The following CFAP299 variants were observed in gnomAD, a reference collection of about 807,000 sequenced individuals.
The protein encoded by CFAP299 is cilia and flagella associated protein 299.
A neutral mutation model predicts 27.0 loss-of-function variants in CFAP299; 21 were observed. The ratio of observed to expected loss-of-function variants is 0.78; its 90% CI spans 0.55 to 1.12. The LOEUF is 1.12. CFAP299 is among the 50% of genes most tolerant of loss of function. CFAP299 has a pLI of 0.00. For synonymous variants in CFAP299, 104 were observed against 98.1 expected (o/e 1.06, Z -0.36); for missense variants, 310 against 276.6 (o/e 1.12, Z -0.86).
At chr4:80,549,551 C>T (rs894537137) in intron 2 of CFAP299, among the ~76,000 whole-genome samples, 2 of 152,080 alleles carry the variant, frequency 1.3e-5, no homozygotes, top group Non-Finnish European at 2.9e-5. Flanking sequence ...AATTAAAGAG[C>T]GTCTTCACTA....
intron 3 of CFAP299, among the ~76,000 whole-genome samples, chr4:80,768,421 A>G (rs1340392238): frequency 3.3e-5 from 5 of 152,222 alleles, no homozygotes; most frequent in Non-Finnish European, 5.9e-5. Context: ...CACATAACAT[A>G]TTTTTAGATA....
At chr4:80,894,570 C>G (rs1035789298) in intron 4 of CFAP299, among the ~76,000 whole-genome samples, 4 of 151,876 alleles carry the variant, frequency 2.6e-5, no homozygotes, top group Non-Finnish European at 5.9e-5. Context: ...CAGCTTTACT[C>G]TTTTGTGCAA....
chr4:80,418,796 A>G (rs142965029), intron 2 of CFAP299, among the ~76,000 whole-genome samples: 2 of 152,308 alleles, frequency 1.3e-5, no homozygotes, highest in East Asian at 3.9e-4. Context: ...CTCTCCGTTT[A>G]CATCAGTGTT....
chr4:80,880,284 A>C (rs760188065), intron 4 of CFAP299, among the ~76,000 whole-genome samples: 20 of 152,182 alleles, frequency 1.3e-4, no homozygotes, highest in Non-Finnish European at 2.6e-4. Flanking sequence ...GAGTTCATTT[A>C]AATAAGAATT....
At chr4:80,700,742 C>T (rs774639994) in intron 3 of CFAP299, among the ~76,000 whole-genome samples, 18 of 151,654 alleles carry the variant, frequency 1.2e-4, no homozygotes, top group Non-Finnish European at 2.1e-4. Context: ...ATAGGTATGA[C>T]AATAGCCAGA....
intron 5 of CFAP299, among the ~76,000 whole-genome samples, chr4:80,959,236 G>A (rs1738217467): frequency 1.3e-5 from 2 of 150,782 alleles, no homozygotes; most frequent in Admixed American, 1.3e-4. Flanking sequence ...AAGAAGCCTT[G>A]AGATAGATAT....
At chr4:80,492,638 A>AAAATGTCTGTT (rs1731196243) in intron 2 of CFAP299, among the ~76,000 whole-genome samples, 1 of 152,214 alleles carries the variant, frequency 6.6e-6, no homozygotes, top group South Asian at 2.1e-4. Flanking sequence ...TCATGCATCT[A>AAAATGTCTGTT]AAATGTCTGT....
At chr4:80,388,825 C>A in intron 2 of CFAP299, 1 of 384,664 alleles carries the variant, frequency 2.6e-6, no homozygotes, top group Non-Finnish European at 4.6e-6. Flanking sequence ...TTCTTCTCTT[C>A]CAATCATATT....
intron 3 of CFAP299, among the ~76,000 whole-genome samples, chr4:80,813,306 A>G (rs1729252565): frequency 6.6e-6 from 1 of 152,014 alleles, no homozygotes; most frequent in South Asian, 2.1e-4. Context: ...TTTAGAAGCA[A>G]TATTCTAGCA....
At chr4:80,765,721 C>T (rs1725825493) in intron 3 of CFAP299, among the ~76,000 whole-genome samples, 1 of 151,710 alleles carries the variant, frequency 6.6e-6, no homozygotes, top group Admixed American at 6.6e-5. Flanking sequence ...AAATGAATTT[C>T]TAAAACGAAA....
Position 80,451,160 on chromosome 4 carries a change from G to A in CFAP299, c.242+88276G>A, listed in dbSNP as rs557580964. ...CCAAGATCAAGGTATGAGCAGGGTT[G>A]GTCCTTTTGAGGCCTCTCTCACTGG... On this transcript the variant is annotated intron_variant, in intron 2 of 5. Coordinates refer to ENST00000358105, the MANE Select transcript of CFAP299 (RefSeq NM_152770.3). 8.5e-5 allele frequency among the ~76,000 whole-genome samples: 13 copies of A among 152,242 alleles called. No individual in the cohort carries two copies. In the South Asian group the frequency reaches 1.9e-3, roughly 22 times the overall value.
intron 2 of CFAP299, among the ~76,000 whole-genome samples, chr4:80,401,638 A>G (rs1185359106): frequency 6.6e-6 from 1 of 152,226 alleles, no homozygotes; most frequent in Non-Finnish European, 1.5e-5. Context: ...CAGGGCCTTC[A>G]TGGAGAACCT....
At chr4:80,868,208 A>C (rs1732858118) in intron 3 of CFAP299, among the ~76,000 whole-genome samples, 1 of 151,872 alleles carries the variant, frequency 6.6e-6, no homozygotes, top group African/African-American at 2.4e-5. Context: ...ATTTGTTTCT[A>C]TGTACCTCTA....
At chr4:80,800,524 A>ATATATTAATATAATATATAATATATC (rs1728461624) in intron 3 of CFAP299, among the ~76,000 whole-genome samples, 1 of 11,406 alleles carries the variant, frequency 8.8e-5, no homozygotes, top group African/African-American at 3.0e-4. Context: ...TATAATATAT[A>ATATATTAATATAATATATAATATATC]ATATATTATA....
At chr4:80,792,929 A>C (rs1307733184) in intron 3 of CFAP299, among the ~76,000 whole-genome samples, 1 of 152,086 alleles carries the variant, frequency 6.6e-6, no homozygotes, top group Non-Finnish European at 1.5e-5. Context: ...CAGTTTGTTT[A>C]TATTCTGACT....
At chr4:80,906,793 G>A (rs922515096) in intron 4 of CFAP299, among the ~76,000 whole-genome samples, 2 of 152,072 alleles carry the variant, frequency 1.3e-5, no homozygotes, top group African/African-American at 2.4e-5. Context: ...CATAGAACAG[G>A]GGACCCTGGG....
intron 3 of CFAP299, among the ~76,000 whole-genome samples, chr4:80,785,573 G>C (rs2110094879): frequency 6.6e-6 from 1 of 152,206 alleles, no homozygotes; most frequent in South Asian, 2.1e-4. Flanking sequence ...GGAATTATGG[G>C]ATCTTGCATA....
chr4:80,883,530 A>G (rs1733819038), intron 4 of CFAP299, among the ~76,000 whole-genome samples: 1 of 152,188 alleles, frequency 6.6e-6, no homozygotes, highest in Non-Finnish European at 1.5e-5. Flanking sequence ...TGCTGCCTAC[A>G]AACGACTCAG....
At chr4:80,523,823 A>AT (rs957155081) in intron 2 of CFAP299, among the ~76,000 whole-genome samples, 3 of 151,858 alleles carry the variant, frequency 2.0e-5, no homozygotes, top group African/African-American at 7.3e-5. Context: ...TCATAATAAA[A>AT]TTTTTTCTAT....
Sources: allele counts gnomAD v4.1 joint callset (sites outside exome capture counted in the v4.1 genomes callset), GRCh38; gene constraint gnomAD v4.1.1; transcripts MANE v1.5; gene names NCBI Gene and HGNC (gene_info 2026-07-23, HGNC 2026-07-21).